ZCCHC4: variants seen among roughly 807,000 people sequenced by gnomAD.
ZCCHC4 encodes the protein rRNA N(6)-adenosine-methyltransferase ZCCHC4.
In ZCCHC4, 54 loss-of-function variants were observed where a neutral mutation model predicts 67.7. The ratio of observed to expected loss-of-function variants is 0.80; its 90% CI spans 0.64 to 1.00. ZCCHC4 has a LOEUF of 1.00. ZCCHC4 is among the 50% of genes least tolerant of loss of function. The probability of loss-of-function intolerance (pLI) is 0.00; values close to 1 mark genes in which losing one functional copy is unlikely to be tolerated. For synonymous variants in ZCCHC4, 198 were observed against 213.5 expected (o/e 0.93, Z 0.63); for missense variants, 609 against 617.0 (o/e 0.99, Z 0.14).
At chr4:25,320,255 G>T (rs949712662) in intron 3 of ZCCHC4, among the ~76,000 whole-genome samples, 4 of 151,770 alleles carry the variant, frequency 2.6e-5, no homozygotes, top group African/African-American at 9.7e-5. Flanking sequence ...TAGTATGTTT[G>T]CACCCTTATT....
At chr4:25,355,449 C>G (rs1720480145) in intron 8 of ZCCHC4, among the ~76,000 whole-genome samples, 1 of 152,124 alleles carries the variant, frequency 6.6e-6, no homozygotes, top group Non-Finnish European at 1.5e-5. Context: ...GGGGTGGGGT[C>G]AGGGAGTGGT....
intron 6 of ZCCHC4, among the ~76,000 whole-genome samples, chr4:25,348,379 A>T (rs1720124713): frequency 6.6e-6 from 1 of 152,314 alleles, no homozygotes; most frequent in East Asian, 1.9e-4. Flanking sequence ...TTAAAATCTC[A>T]TGTCATTTTG....
intron 3 of ZCCHC4, among the ~76,000 whole-genome samples, chr4:25,322,112 G>A (rs889278931): frequency 1.3e-5 from 2 of 152,154 alleles, no homozygotes; most frequent in Non-Finnish European, 2.9e-5. Context: ...TAGAAATGAT[G>A]AAATAGAGTG....
intron 12 of ZCCHC4, chr4:25,365,421 T>C (rs1485353540): frequency 1.3e-5 from 16 of 1,235,746 alleles, no homozygotes; most frequent in African/African-American, 1.5e-5. Flanking sequence ...TAATTTTACC[T>C]CTCCTTGGCT....
chr4:25,335,044 C>G (rs925890320), intron 5 of ZCCHC4, among the ~76,000 whole-genome samples: 1 of 152,138 alleles, frequency 6.6e-6, no homozygotes, highest in East Asian at 1.9e-4. Context: ...GGGTCTGGAA[C>G]TCCTGGCCTC....
intron 1 of ZCCHC4, 36 bp downstream of exon 1, chr4:25,312,972 C>G (rs781362936): frequency 6.2e-7 from 1 of 1,605,864 alleles, no homozygotes; most frequent in African/African-American, 1.3e-5. Flanking sequence ...AACTGCCGGG[C>G]GCTGAGGGTG....
chr4:25,326,628 A>G (rs1718897767), intron 3 of ZCCHC4, among the ~76,000 whole-genome samples: 1 of 152,044 alleles, frequency 6.6e-6, no homozygotes, highest in Admixed American at 6.6e-5. Flanking sequence ...TGGGTAGTGT[A>G]AGTCTTCTTT....
intron 12 of ZCCHC4, among the ~76,000 whole-genome samples, chr4:25,367,407 G>T (rs2109097354): frequency 6.6e-6 from 1 of 152,138 alleles, no homozygotes; most frequent in East Asian, 1.9e-4. Context: ...TCCTGTTTCT[G>T]TTTACCGTAT....
At chr4:25,327,047 A>G (rs936159241) in intron 3 of ZCCHC4, among the ~76,000 whole-genome samples, 3 of 152,172 alleles carry the variant, frequency 2.0e-5, no homozygotes, top group Non-Finnish European at 4.4e-5. Context: ...TTTTATTTTG[A>G]AATCTTGATA....
chr4:25,363,905 T>C (rs1720848960), intron 10 of ZCCHC4, among the ~76,000 whole-genome samples: 1 of 152,172 alleles, frequency 6.6e-6, no homozygotes, highest in Non-Finnish European at 1.5e-5. Context: ...TGGGGCAGTT[T>C]CCAGAGGGCT....
intron 10 of ZCCHC4, among the ~76,000 whole-genome samples, chr4:25,362,778 T>A (rs1720800101): frequency 1.3e-5 from 2 of 152,220 alleles, no homozygotes; most frequent in South Asian, 4.1e-4. Context: ...CTCATTGATT[T>A]TTTACAGATG....
rs1718200228 is a variant in ZCCHC4 at position 25,315,351 on chromosome 4, C to T, written c.280C>T (p.His94Tyr). 6.2e-7 allele frequency: 1 copy of T among 1,613,130 alleles called. No individual in the cohort carries two copies. Among genetic ancestry groups the T allele is most frequent in the South Asian group, 1.1e-5 (1 of 90,938 alleles). Residue 94 changes from histidine (H) to tyrosine (Y), a missense_variant, in exon 3 of 13, where the codon CAT becomes TAT. Coordinates refer to ENST00000302874, the MANE Select transcript of ZCCHC4 (RefSeq NM_024936.3). ...SGARLAAREA[H>Y]NRRCQPPLSR... The stretch of plus-strand genomic sequence containing the variant: ...AGCTAGACTTGCTGCCCGAGAAGCT[C>T]ATAACCGAAGATGTCAGCCTCCCCT...
intron 12 of ZCCHC4, among the ~76,000 whole-genome samples, chr4:25,368,109 G>A (rs564667287): frequency 4.6e-5 from 7 of 152,304 alleles, no homozygotes; most frequent in African/African-American, 1.7e-4. Flanking sequence ...CCCATTAGGG[G>A]ATACATTGTT....
At chr4:25,330,690 T>C (rs1030678731) in intron 3 of ZCCHC4, among the ~76,000 whole-genome samples, 2 of 152,200 alleles carry the variant, frequency 1.3e-5, no homozygotes, top group African/African-American at 4.8e-5. Flanking sequence ...CAACCTTTCG[T>C]GGTTCTAGGG....
intron 8 of ZCCHC4, among the ~76,000 whole-genome samples, chr4:25,358,961 C>T (rs1720619882): frequency 2.0e-5 from 3 of 152,232 alleles, no homozygotes; most frequent in African/African-American, 7.2e-5. Context: ...GGTCTACCCA[C>T]TCCCCTTGGT....
At position 25,362,217 on chromosome 4, in the gene ZCCHC4, TTACTC is replaced by T. The variant is rs761522990; in HGVS notation, c.1134-6_1134-2del. ...TGTATGCAGCTGATTTCTCTGTCCT[TTACTC>T]TAGATTTTGCTCTCCGTGTCAACGG... On this transcript the variant is annotated splice_region_variant and splice_polypyrimidine_tract_variant and intron_variant, in intron 9 of 12. Transcript: ENST00000302874. 3 of 1,606,270 alleles carry T rather than the reference TTACTC, an allele frequency of 1.9e-6. No homozygotes were observed. The African/African-American group carries it at 4.0e-5, about 22-fold the overall frequency.
intron 1 of ZCCHC4, 63 bp downstream of exon 1, chr4:25,312,999 T>C: frequency 6.3e-7 from 1 of 1,585,886 alleles, no homozygotes; most frequent in Non-Finnish European, 8.5e-7. Flanking sequence ...GGCTTGGAAG[T>C]GGCTTTTGGG....
rs1277427744 is a variant in ZCCHC4, at chr4:25,349,619, T to G, written c.887T>G (p.Met296Arg). ...LAITFKKLIA[M>R]WKEGQSQDDS... ...ATTACATTCAAGAAGTTAATTGCTA[T>G]GTGGAAAGAAGGTCAAAGCCAAGGT... The change falls in exon 7 of 13, where the codon ATG becomes AGG. Residue 296 changes from methionine to arginine, a missense_variant. Met to Arg is a moderately conservative substitution (Grantham distance 91). Coordinates refer to ENST00000302874, the MANE Select transcript of ZCCHC4 (RefSeq NM_024936.3). 20 of 1,613,948 alleles carry G rather than the reference T, an allele frequency of 1.2e-5. No individual in the cohort carries two copies. The highest frequency in any genetic ancestry group is 1.7e-5 in the Non-Finnish European group (20 of 1,179,878).
intron 12 of ZCCHC4, 132 bp from the exon 13 acceptor site, chr4:25,368,897 T>G: frequency 2.7e-6 from 3 of 1,122,310 alleles, no homozygotes; most frequent in South Asian, 3.5e-5. Context: ...ACTGAGGATT[T>G]ATGCTTGCAA....
Sources: allele counts gnomAD v4.1 joint callset (sites outside exome capture counted in the v4.1 genomes callset), GRCh38; gene constraint gnomAD v4.1.1; transcripts MANE v1.5; gene names NCBI Gene and HGNC (gene_info 2026-07-23, HGNC 2026-07-21).